The following CHN2 variants were observed in gnomAD, a reference collection of about 807,000 sequenced individuals.
CHN2 encodes beta-chimaerin.
A neutral mutation model predicts 56.3 loss-of-function variants in CHN2; 35 were observed. The observed-to-expected ratio is 0.62, with a 90% CI of 0.47 to 0.82. The LOEUF (loss-of-function observed/expected upper bound fraction) is 0.82, where lower values mean the gene tolerates loss of function less well. Among genes scored for constraint, CHN2 ranks in the 40% least tolerant of loss-of-function variants. CHN2 has a pLI of 0.00. For synonymous variants in CHN2, 210 were observed against 212.8 expected, an observed-to-expected ratio of 0.99 and a Z score of 0.12; for missense variants, 491 against 580.5, an observed-to-expected ratio of 0.85 and a Z score of 1.58.
At chr7:29,170,732 A>C (rs59085976) in intron 2 of CHN2, among the ~76,000 whole-genome samples, 7,526 of 152,252 alleles carry the variant, frequency 0.049, 430 homozygotes, top group East Asian at 0.19. Flanking sequence ...GCGACTGGGC[A>C]ATTTACAAAA....
chr7:29,504,904 G>C, intron 10 of CHN2, 83 bp downstream of exon 10: 1 of 953,202 alleles, frequency 1.0e-6, no homozygotes, highest in Non-Finnish European at 1.7e-6. Context: ...AGTAGAAATG[G>C]GGTTTCAGAA....
chr7:29,344,931 A>C (rs1797312333), intron 1 of CHN2, among the ~76,000 whole-genome samples: 1 of 152,052 alleles, frequency 6.6e-6, no homozygotes, highest in Non-Finnish European at 1.5e-5. Flanking sequence ...TTTGTTTGGG[A>C]CCCTCAGAAG....
At chr7:29,365,719 T>C (rs1799102853) in intron 2 of CHN2, among the ~76,000 whole-genome samples, 2 of 152,152 alleles carry the variant, frequency 1.3e-5, no homozygotes, top group African/African-American at 2.4e-5. Context: ...TGACACATGG[T>C]AACACTGTAG....
chr7:29,200,841 A>G (rs1784106927), intron 1 of CHN2: 2 of 152,168 alleles, frequency 1.3e-5, no homozygotes, highest in South Asian at 4.1e-4. Flanking sequence ...GTGCTCTGCA[A>G]TGGAACCTAG....
intron 2 of CHN2, among the ~76,000 whole-genome samples, chr7:29,358,290 G>A (rs920849850): frequency 1.7e-4 from 26 of 152,098 alleles, no homozygotes; most frequent in Middle Eastern, 3.4e-3. Context: ...CTAGCTACTC[G>A]AAAAGGCTAA....
intron 6 of CHN2, among the ~76,000 whole-genome samples, chr7:29,457,197 CAG>C (rs1360853132): frequency 6.6e-6 from 1 of 152,198 alleles, no homozygotes; most frequent in Non-Finnish European, 1.5e-5. Flanking sequence ...TGGATGACCT[CAG>C]GCTTCCTTCA....
At chr7:29,433,110 G>C (rs1782968557) in intron 6 of CHN2, among the ~76,000 whole-genome samples, 1 of 152,200 alleles carries the variant, frequency 6.6e-6, no homozygotes, top group Non-Finnish European at 1.5e-5. Context: ...TAAGTCAGCA[G>C]ACACTTATCA....
intron 1 of CHN2, among the ~76,000 whole-genome samples, chr7:29,240,795 TTCC>T (rs1326972372): frequency 1.4e-5 from 2 of 138,630 alleles, no homozygotes; most frequent in African/African-American, 5.2e-5. Context: ...CTTCTTCTTC[TTCC>T]TCTTCTTCTT....
chr7:29,469,286 A>G (rs1180118663), intron 6 of CHN2, among the ~76,000 whole-genome samples: 1 of 152,202 alleles, frequency 6.6e-6, no homozygotes, highest in Non-Finnish European at 1.5e-5. Flanking sequence ...AATTTCTGCC[A>G]TAGCCTTTAG....
chr7:29,371,983 A>G (rs899229646), intron 3 of CHN2, among the ~76,000 whole-genome samples: 5 of 152,044 alleles, frequency 3.3e-5, no homozygotes, highest in African/African-American at 1.2e-4. Context: ...TGCAGCTCAC[A>G]TATACACACA....
rs754027971 is a variant in CHN2, at chr7:29,512,679, C to T, written c.1351C>T (p.Arg451Trp). Residue 451 changes from arginine to tryptophan, a missense_variant, in exon 13 of 13, where the codon CGG becomes TGG. Arg to Trp is a moderately radical substitution (Grantham distance 101). Transcript: ENST00000222792. Reference sequence around the variant, plus strand: ...CACCCTGACCACCCTGCATGATATGCGGTACCAAAAGCTGATTGTGCAGAT... The same window carrying T: ...CACCCTGACCACCCTGCATGATATGTGGTACCAAAAGCTGATTGTGCAGAT... ...DSTLTTLHDM[R>W]YQKLIVQILI... 32 of 1,614,032 alleles carry T rather than the reference C, an allele frequency of 2.0e-5. No homozygotes were observed. Among genetic ancestry groups the T allele is most frequent in the Admixed American group, 8.3e-5 (5 of 60,004 alleles).
intron 9 of CHN2, among the ~76,000 whole-genome samples, chr7:29,502,980 A>G (rs1790140962): frequency 6.6e-6 from 1 of 151,992 alleles, no homozygotes; most frequent in African/African-American, 2.4e-5. Context: ...ACTCCCACTT[A>G]TGAGTGAGAA....
intron 2 of CHN2, among the ~76,000 whole-genome samples, chr7:29,159,591 C>T (rs1472179538): frequency 6.6e-6 from 1 of 152,056 alleles, no homozygotes; most frequent in East Asian, 1.9e-4. Flanking sequence ...AAACCTCTTC[C>T]CACACAAGTC....
At chr7:29,456,620 C>CACCACCACCA (rs1385411352) in intron 6 of CHN2, among the ~76,000 whole-genome samples, 1 of 137,386 alleles carries the variant, frequency 7.3e-6, no homozygotes, top group African/African-American at 2.7e-5. Context: ...CCCCCTCCCC[C>CACCACCACCA]CCACCACCAC....
At chr7:29,495,085 C>T (rs1220960581) in intron 7 of CHN2, among the ~76,000 whole-genome samples, 1 of 150,862 alleles carries the variant, frequency 6.6e-6, no homozygotes, top group African/African-American at 2.4e-5. Context: ...TTTTTGTGCA[C>T]ATTTGTATGG....
Position 29,490,754 on chromosome 7 carries a change from C to T in CHN2, c.655-5198C>T, listed in dbSNP as rs564827804. ...AATGTACTGTACCAAACATACTGGG[C>T]TTTGGCTCTCTATTTGAAATGTTAT... On this transcript the variant is annotated intron_variant, in intron 7 of 12. Transcript: ENST00000222792. Among the ~76,000 whole-genome samples, 8 of 152,214 alleles carry T rather than the reference C, an allele frequency of 5.3e-5. No homozygotes were observed. In the East Asian group the frequency reaches 1.2e-3, roughly 22 times the overall value.
chr7:29,372,021 G>A (rs1017257660), intron 3 of CHN2, among the ~76,000 whole-genome samples: 1 of 151,834 alleles, frequency 6.6e-6, no homozygotes, highest in African/African-American at 2.4e-5. Context: ...CACCAGACAG[G>A]AGCCCAAATC....
intron 1 of CHN2, among the ~76,000 whole-genome samples, chr7:29,347,872 A>G (rs1797582653): frequency 6.6e-6 from 1 of 152,250 alleles, no homozygotes; most frequent in Non-Finnish European, 1.5e-5. Context: ...CTAAAACAAT[A>G]TCATGAAATT....
chr7:29,391,283 G>A (rs1351275001), intron 3 of CHN2, among the ~76,000 whole-genome samples: 3 of 150,034 alleles, frequency 2.0e-5, no homozygotes, highest in Non-Finnish European at 3.0e-5. Flanking sequence ...GAAAGAGAGA[G>A]TGGGGAAGAG....
Sources: gnomAD v4.1 joint callset for allele counts (sites outside exome capture counted in the v4.1 genomes callset) on GRCh38, gnomAD v4.1.1 for gene constraint, MANE v1.5 for transcripts, NCBI Gene and HGNC (gene_info 2026-07-23, HGNC 2026-07-21) for gene names.